Variants in BACE2 observed in about 807,000 individuals in gnomAD.
The protein encoded by BACE2 is 56 kDa aspartic-like protease.
In BACE2, 17 loss-of-function variants were observed where a neutral mutation model predicts 46.2. The ratio of observed to expected loss-of-function variants is 0.37; its 90% CI spans 0.25 to 0.55. The LOEUF (loss-of-function observed/expected upper bound fraction) is 0.55. Among genes scored for constraint, BACE2 ranks in the 20% least tolerant of loss-of-function variants. The pLI is 0.82. For missense variants in BACE2, 595 were observed against 698.1 expected, an observed-to-expected ratio of 0.85 and a Z score of 1.66; for synonymous variants, 277 against 295.9, an observed-to-expected ratio of 0.94 and a Z score of 0.66.
At chr21:41,265,190 A>C (rs551193163) in intron 8 of BACE2, among the ~76,000 whole-genome samples, 57 of 149,034 alleles carry the variant, frequency 3.8e-4, no homozygotes, top group Non-Finnish European at 5.3e-4. Context: ...TTTTTTTTCA[A>C]GCCTCATAGT....
intron 1 of BACE2, among the ~76,000 whole-genome samples, chr21:41,204,964 G>GA (rs1454596228): frequency 6.6e-6 from 1 of 151,994 alleles, no homozygotes; most frequent in East Asian, 1.9e-4. Context: ...GTTTACCATG[G>GA]AAAAAAACAT....
intron 8 of BACE2, among the ~76,000 whole-genome samples, chr21:41,264,844 C>T (rs1988028275): frequency 6.6e-6 from 1 of 152,102 alleles, no homozygotes; most frequent in Non-Finnish European, 1.5e-5. Flanking sequence ...GTTAGCCAAG[C>T]ATGGTGGAGC....
intron 2 of BACE2, 90 bp from the exon 3 acceptor site, chr21:41,237,423 G>A: frequency 1.0e-5 from 10 of 987,680 alleles, no homozygotes; most frequent in Non-Finnish European, 1.4e-5. Context: ...TCCAGCCTGG[G>A]TGACAGAGCA....
At chr21:41,221,194 A>G (rs1300994746) in intron 1 of BACE2, among the ~76,000 whole-genome samples, 1 of 152,242 alleles carries the variant, frequency 6.6e-6, no homozygotes, top group East Asian at 1.9e-4. Flanking sequence ...CTGAAGTCAC[A>G]AAGTAGCTTT....
At chr21:41,208,148 A>C (rs1986186885) in intron 1 of BACE2, among the ~76,000 whole-genome samples, 1 of 152,314 alleles carries the variant, frequency 6.6e-6, no homozygotes, top group African/African-American at 2.4e-5. Context: ...GTCACGACCC[A>C]CATGTAAGAA....
chr21:41,266,958 G>C (rs924278787), intron 8 of BACE2, among the ~76,000 whole-genome samples: 1 of 151,662 alleles, frequency 6.6e-6, no homozygotes, highest in Non-Finnish European at 1.5e-5. Flanking sequence ...GTGTGTGTGT[G>C]TGTGTGTGTG....
intron 1 of BACE2, among the ~76,000 whole-genome samples, chr21:41,188,739 C>T (rs551913357): frequency 2.0e-5 from 3 of 152,292 alleles, no homozygotes; most frequent in African/African-American, 7.2e-5. Flanking sequence ...AGAAGCCTTC[C>T]AGGAACTGGG....
intron 1 of BACE2, chr21:41,179,853 G>T: frequency 2.5e-6 from 1 of 399,132 alleles, no homozygotes. Context: ...ATGGATGTAA[G>T]TGTGGCTAGT....
chr21:41,250,710 C>T (rs1374060099), intron 6 of BACE2, 42 bp from the exon 7 acceptor site: 3 of 1,604,232 alleles, frequency 1.9e-6, no homozygotes, highest in East Asian at 2.2e-5. Context: ...TGTTGACGTG[C>T]CAGACTAGTC....
intron 1 of BACE2, among the ~76,000 whole-genome samples, chr21:41,170,472 C>A (rs748092871): frequency 2.0e-5 from 3 of 152,210 alleles, no homozygotes; most frequent in South Asian, 2.1e-4. Flanking sequence ...GTACCTCCCT[C>A]CTGGCTTGAT....
At chr21:41,203,247 G>C (rs1986017337) in intron 1 of BACE2, among the ~76,000 whole-genome samples, 1 of 152,116 alleles carries the variant, frequency 6.6e-6, no homozygotes, top group Non-Finnish European at 1.5e-5. Context: ...CAGCGGTAGG[G>C]AAGTGTCACA....
At position 41,266,839 on chromosome 21, in the gene BACE2, T is replaced by C. The variant is rs1206639626; in HGVS notation, c.1304-8532T>C. Among the ~76,000 whole-genome samples the C allele has an allele frequency of 5.3e-5, 8 of 152,222 alleles. 1 individual carries two copies. Among genetic ancestry groups the C allele is most frequent in the Admixed American group, 2.6e-4 (4 of 15,280 alleles). On this transcript the variant is annotated intron_variant, in intron 8 of 8. Coordinates refer to ENST00000330333, the MANE Select transcript of BACE2 (RefSeq NM_012105.5). ...ACTCAGCTATAGAGTTAAAAAGTTA[T>C]ATTTTATCCTCATTCCTCTTTGTTG...
At chr21:41,243,540 TTCTGTGTATG>T (rs748155448) in intron 5 of BACE2, 30 bp downstream of exon 5, 1 of 1,586,292 alleles carries the variant, frequency 6.3e-7, no homozygotes, top group Non-Finnish European at 8.6e-7. Context: ...TGTTGTGTCT[TTCTGTGTATG>T]TCTGGGTCCC....
intron 1 of BACE2, among the ~76,000 whole-genome samples, chr21:41,203,104 A>G (rs1986010858): frequency 6.6e-6 from 1 of 152,146 alleles, no homozygotes; most frequent in South Asian, 2.1e-4. Flanking sequence ...GTCACCAAAA[A>G]TCCTGCCTTC....
Position 41,281,720 on chromosome 21 carries a change from A to G in BACE2, c.*6096A>G, listed in dbSNP as rs899894845. 8 of 152,260 alleles carry G rather than the reference A, an allele frequency of 5.3e-5. No individual in the cohort carries two copies. The highest frequency in any genetic ancestry group is 1.4e-4 in the African/African-American group (6 of 41,470). 9.4% of individuals were successfully genotyped at this position (152,260 alleles called of 1,614,324 possible). On this transcript the variant is annotated 3_prime_UTR_variant, in exon 9 of 9. Transcript: ENST00000330333. ...AAAAGTGAACAAAGCTAATTAATCT[A>G]TCATGAAAATTGCACAAAATAACAT... is the stretch of plus-strand genomic sequence containing the variant.
rs1445556402 is a variant in BACE2, at chr21:41,281,872, G to A, written c.*6248G>A. On this transcript the variant is annotated 3_prime_UTR_variant, in exon 9 of 9. Coordinates refer to ENST00000330333, the MANE Select transcript of BACE2 (RefSeq NM_012105.5). ...TTATATCAGTGAGGTTTGAAATTCT[G>A]TGTAGCAGTTACTCAGCACATATGA... 6.6e-6 allele frequency: 1 copy of A among 152,100 alleles called. No individual in the cohort carries two copies. Among genetic ancestry groups the A allele is most frequent in the Non-Finnish European group, 1.5e-5 (1 of 68,034 alleles). 9.4% of individuals were successfully genotyped at this position (152,100 alleles called of 1,614,324 possible). A position where few individuals can be genotyped will look rare whatever the true frequency, so the allele number is the denominator to read the frequency against.
chr21:41,237,600 C>T lies in BACE2; in HGVS notation c.489C>T (p.Val163=), dbSNP rs150489465. The change falls in exon 3 of 9, where the codon GTC becomes GTT. Residue 163 remains valine, a synonymous_variant. Coordinates refer to ENST00000330333, the MANE Select transcript of BACE2 (RefSeq NM_012105.5). The stretch of plus-strand genomic sequence containing the variant: ...CGGGCTTCGTTGGGGAAGACCTCGT[C>T]ACCATCCCCAAAGGCTTCAATACTT... ...SWTGFVGEDL[V]TIPKGFNTSF... The T allele has an allele frequency of 4.3e-6, 7 of 1,614,174 alleles. No homozygotes were observed. The highest frequency in any genetic ancestry group is 5.9e-6 in the Non-Finnish European group (7 of 1,179,982).
intron 1 of BACE2, among the ~76,000 whole-genome samples, chr21:41,198,172 A>G (rs1037080377): frequency 3.9e-5 from 6 of 151,952 alleles, no homozygotes; most frequent in Admixed American, 3.9e-4. Flanking sequence ...TTGTATTTTT[A>G]GTAGAGGAGG....
At chr21:41,209,254 C>T (rs1447667592) in intron 1 of BACE2, among the ~76,000 whole-genome samples, 4 of 152,218 alleles carry the variant, frequency 2.6e-5, no homozygotes, top group African/African-American at 9.6e-5. Context: ...GCGTGAAATC[C>T]TATCAGCAGG....
Sources: allele counts gnomAD v4.1 joint callset (sites outside exome capture counted in the v4.1 genomes callset), GRCh38; gene constraint gnomAD v4.1.1; transcripts MANE v1.5; gene names NCBI Gene and HGNC (gene_info 2026-07-23, HGNC 2026-07-21).